RPUSD3: variants seen among roughly 807,000 people sequenced by gnomAD.
RPUSD3 encodes mitochondrial mRNA pseudouridine synthase RPUSD3.
Under a neutral mutation model 35.1 loss-of-function variants are expected in RPUSD3, and 36 were observed. The observed-to-expected ratio is 1.02, with a 90% CI of 0.79 to 1.35. The LOEUF (loss-of-function observed/expected upper bound fraction) is 1.35, where lower values mean the gene tolerates loss of function less well. Among genes scored for constraint, RPUSD3 ranks in the 40% most tolerant of loss-of-function variants. The probability of loss-of-function intolerance (pLI) is 0.00; values close to 1 mark genes in which losing one functional copy is unlikely to be tolerated. For missense variants in RPUSD3, 486 were observed against 441.9 expected, an observed-to-expected ratio of 1.10 and a Z score of -0.89; for synonymous variants, 202 against 187.8, an observed-to-expected ratio of 1.08 and a Z score of -0.62.
rs1223562437 is a variant in RPUSD3 at position 9,841,967 on chromosome 3, C to T, written c.407+16G>A. The T allele has an allele frequency of 6.2e-7, 1 of 1,609,832 alleles. No homozygotes were observed. The highest frequency in any genetic ancestry group is 8.5e-7 in the Non-Finnish European group (1 of 1,176,400). On this transcript the variant is annotated intron_variant, in intron 4 of 8. Transcript: ENST00000383820. ...GATGCCTGTACTCCTAGCTTCCTGT[C>T]ACCCCTACCACTTACTTCCCAGATG...
chr3:9,837,966 C>G (rs1258215436), exon 9 of RPUSD3: 3 of 1,502,772 alleles, frequency 2.0e-6, no homozygotes, highest in African/African-American at 2.8e-5. Context: ...CTGCAGAGCC[C>G]CCACCCTCAC....
chr3:9,840,284 G>A, exon 7 of RPUSD3: 1 of 1,614,128 alleles, frequency 6.2e-7, no homozygotes, highest in Non-Finnish European at 8.5e-7. Context: ...TGTCCTTTCG[G>A]GATGGGGCCT....
intron 8 of RPUSD3, 36 bp from the exon 9 acceptor site, chr3:9,838,243 A>G: frequency 2.5e-6 from 4 of 1,605,708 alleles, no homozygotes; most frequent in Non-Finnish European, 3.4e-6. Flanking sequence ...TCAGCCCCAC[A>G]TTTTCCAAGC....
intron 4 of RPUSD3, 182 bp downstream of exon 4, chr3:9,841,801 A>G (rs954793828): frequency 5.2e-6 from 3 of 574,186 alleles, no homozygotes; most frequent in Middle Eastern, 2.7e-4. Context: ...CTGGTATCAC[A>G]CCATTTGTAC....
intron 4 of RPUSD3, chr3:9,841,487 G>A (rs1674063299): frequency 6.3e-6 from 1 of 159,690 alleles, no homozygotes; most frequent in Non-Finnish European, 1.4e-5. Context: ...TTTTGTGTGT[G>A]TGTGTGTGTG....
intron 8 of RPUSD3, among the ~76,000 whole-genome samples, chr3:9,838,414 G>T (rs1456428123): frequency 6.6e-6 from 1 of 152,182 alleles, no homozygotes; most frequent in Non-Finnish European, 1.5e-5. Flanking sequence ...CACCCAATCA[G>T]TTTCCTCCTA....
At chr3:9,841,660 A>G (rs765083868) in intron 4 of RPUSD3, 1 of 200,398 alleles carries the variant, frequency 5.0e-6, no homozygotes, top group Non-Finnish European at 1.0e-5. Flanking sequence ...TTTTCCAGAG[A>G]TGGGGTCTAT....
chr3:9,839,180 C>A lies in RPUSD3; in HGVS notation c.725-9G>T. 1 of 1,601,744 alleles carries A rather than the reference C, an allele frequency of 6.2e-7. No individual in the cohort carries two copies. The highest frequency in any genetic ancestry group is 8.5e-7 in the Non-Finnish European group (1 of 1,170,396). On this transcript the variant is annotated splice_polypyrimidine_tract_variant and intron_variant, in intron 7 of 8. Transcript: ENST00000383820. ...TAGTTGACTGGAGAACACTGGGCAA[C>A]AGGAAAGCCAGGAGAGACAGTGGGC...
exon 6 of RPUSD3, chr3:9,840,578 T>C (rs1276428409): frequency 6.2e-7 from 1 of 1,614,070 alleles, no homozygotes; most frequent in South Asian, 1.1e-5. Context: ...AGCCTGGATC[T>C]TCCCCTCAGA....
chr3:9,839,367 C>T lies in RPUSD3; in HGVS notation c.725-196G>A, dbSNP rs372609692. The T allele has an allele frequency of 7.4e-5, 42 of 566,232 alleles. 1 individual carries two copies. Among genetic ancestry groups the T allele is most frequent in the African/African-American group, 3.6e-4 (19 of 53,052 alleles). The allele number at this position is 566,232 out of a possible 1,614,324, so 35.1% of individuals were successfully genotyped here. ...AGGACGATCACAGCTATCAATCTGC[C>T]TGGCTGTGGGATCCACTCATGATGA... is the stretch of plus-strand genomic sequence containing the variant. On this transcript the variant is annotated intron_variant, in intron 7 of 8. Coordinates refer to ENST00000383820, the Ensembl canonical transcript of RPUSD3.
At chr3:9,840,669 C>T (rs1281967034) in intron 5 of RPUSD3, 29 bp downstream of exon 5, 3 of 1,612,208 alleles carry the variant, frequency 1.9e-6, no homozygotes, top group Non-Finnish European at 2.5e-6. Context: ...ACCTCCCCAC[C>T]ACTCTAGGAA....
At chr3:9,838,245 T>C (rs1332843244) in intron 8 of RPUSD3, 38 bp from the exon 9 acceptor site, 1 of 1,604,836 alleles carries the variant, frequency 6.2e-7, no homozygotes, top group East Asian at 2.2e-5. Flanking sequence ...AGCCCCACAT[T>C]TTCCAAGCAG....
At chr3:9,840,904 A>G in intron 4 of RPUSD3, 99 bp from the exon 5 acceptor site, 2 of 779,656 alleles carry the variant, frequency 2.6e-6, no homozygotes, top group Non-Finnish European at 4.1e-6. Flanking sequence ...GCCAAACACT[A>G]ACACCAGGAC....
At chr3:9,839,269 C>T (rs2082068429) in intron 7 of RPUSD3, 98 bp from the exon 8 acceptor site, 1 of 1,407,222 alleles carries the variant, frequency 7.1e-7, no homozygotes, top group Non-Finnish European at 9.7e-7. Context: ...ACACCACCCC[C>T]TTTCTCAGAT....
chr3:9,841,156 T>G, intron 4 of RPUSD3: 1 of 187,390 alleles, frequency 5.3e-6, no homozygotes, highest in Non-Finnish European at 1.1e-5. Context: ...TCATCTCAAG[T>G]ACCATCTTTA....
chr3:9,842,240 G>A (rs2082115473), exon 3 of RPUSD3: 1 of 1,614,158 alleles, frequency 6.2e-7, no homozygotes, highest in Non-Finnish European at 8.5e-7. Flanking sequence ...CGTCACTAGA[G>A]GTCCTGAAAC....
intron 7 of RPUSD3, 93 bp from the exon 8 acceptor site, chr3:9,839,264 A>C: frequency 7.0e-7 from 1 of 1,428,500 alleles, no homozygotes; most frequent in Non-Finnish European, 9.5e-7. Context: ...GGGAAACACC[A>C]CCCCCTTTCT....
intron 4 of RPUSD3, 74 bp downstream of exon 4, chr3:9,841,909 T>TA (rs1436756138): frequency 8.2e-7 from 1 of 1,225,440 alleles, no homozygotes. Context: ...TGTCTCAGCT[T>TA]ATCCCCAAGC....
Position 9,843,874 on chromosome 3 carries a change from G to A in RPUSD3, c.125+16C>T. 6.3e-7 allele frequency: 1 copy of A among 1,597,656 alleles called. No homozygotes were observed. The highest frequency in any genetic ancestry group is 8.5e-7 in the Non-Finnish European group (1 of 1,172,656). ...CCTAGCCTCCGTCCCGCATGAGAGA[G>A]GGGGTACTTAATCACCGGGCTTCGG... On this transcript the variant is annotated intron_variant, in intron 1 of 8. Coordinates refer to ENST00000383820, the Ensembl canonical transcript of RPUSD3.
Sources: allele counts gnomAD v4.1 joint callset (sites outside exome capture counted in the v4.1 genomes callset), GRCh38; gene constraint gnomAD v4.1.1; transcripts MANE v1.5; gene names NCBI Gene and HGNC (gene_info 2026-07-23, HGNC 2026-07-21).